The following DIAPH1 variants were observed in gnomAD, a reference collection of about 807,000 sequenced individuals.
The protein encoded by DIAPH1 is diaphanous related formin 1.
A neutral mutation model predicts 140.7 loss-of-function variants in DIAPH1; 46 were observed. The observed-to-expected ratio is 0.33, with a 90% CI of 0.26 to 0.42. The LOEUF is 0.42. Ranked by LOEUF, DIAPH1 falls within the 10% of genes least tolerant of loss-of-function variation. The pLI is 1.00. For synonymous variants in DIAPH1, 565 were observed against 551.6 expected, an observed-to-expected ratio of 1.02 and a Z score of -0.34; for missense variants, 1,310 against 1,558.7, an observed-to-expected ratio of 0.84 and a Z score of 2.69.
intron 1 of DIAPH1, among the ~76,000 whole-genome samples, chr5:141,590,712 C>G (rs1331361933): frequency 6.6e-6 from 1 of 150,758 alleles, no homozygotes; most frequent in African/African-American, 2.4e-5. Context: ...TTAATGGCAG[C>G]TGAATTGTTC....
chr5:141,598,411 T>C (rs1422076214), intron 1 of DIAPH1, among the ~76,000 whole-genome samples: 1 of 152,202 alleles, frequency 6.6e-6, no homozygotes, highest in African/African-American at 2.4e-5. Flanking sequence ...CTCCAAAAGA[T>C]TCTCAGTGCT....
chr5:141,570,013 G>A (rs1395357149), intron 18 of DIAPH1, among the ~76,000 whole-genome samples: 1 of 152,044 alleles, frequency 6.6e-6, no homozygotes, highest in Non-Finnish European at 1.5e-5. Flanking sequence ...TTGTGACTAA[G>A]GGGGCCACTT....
At chr5:141,530,033 G>A (rs1477065811) in intron 19 of DIAPH1, among the ~76,000 whole-genome samples, 1 of 152,122 alleles carries the variant, frequency 6.6e-6, no homozygotes, top group Non-Finnish European at 1.5e-5. Context: ...GCAGTGAGCT[G>A]TGACCGCACC....
Position 141,516,362 on chromosome 5 carries a change from G to C in DIAPH1, c.*489C>G, listed in dbSNP as rs1206612684. 1.1e-5 allele frequency: 2 copies of C among 190,014 alleles called. No individual in the cohort carries two copies. The highest frequency in any genetic ancestry group is 2.2e-5 in the Non-Finnish European group (2 of 89,386). 11.8% of individuals were successfully genotyped at this position (190,014 alleles called of 1,614,324 possible). On this transcript the variant is annotated 3_prime_UTR_variant, in exon 28 of 28. Coordinates refer to ENST00000389054, the MANE Select transcript of DIAPH1 (RefSeq NM_005219.5). ...TAATAAATAACCACAGCCAGGAGAG[G>C]GAAGAGCAGAGACAACAGCAATGAA... is the stretch of plus-strand genomic sequence containing the variant.
chr5:141,593,697 A>G (rs1421696001), intron 1 of DIAPH1, among the ~76,000 whole-genome samples: 1 of 152,246 alleles, frequency 6.6e-6, no homozygotes, highest in Non-Finnish European at 1.5e-5. Flanking sequence ...AAGAAGCTCA[A>G]CATCATATGT....
chr5:141,541,803 A>C (rs2099890021), intron 18 of DIAPH1, among the ~76,000 whole-genome samples: 1 of 152,096 alleles, frequency 6.6e-6, no homozygotes, highest in Non-Finnish European at 1.5e-5. Flanking sequence ...AGAAAGAAAC[A>C]CTTCAGTTAC....
intron 1 of DIAPH1, among the ~76,000 whole-genome samples, chr5:141,611,469 T>A (rs889415342): frequency 6.6e-6 from 1 of 151,806 alleles, no homozygotes; most frequent in African/African-American, 2.4e-5. Flanking sequence ...TGAGGCAGGA[T>A]TCCTGAAGCC....
chr5:141,532,225 G>A (rs2099888337), intron 19 of DIAPH1, among the ~76,000 whole-genome samples: 1 of 151,844 alleles, frequency 6.6e-6, no homozygotes, highest in Non-Finnish European at 1.5e-5. Flanking sequence ...AGGCTGCAGT[G>A]CAGTGGTGCA....
chr5:141,539,039 C>T (rs1478678075), intron 18 of DIAPH1, among the ~76,000 whole-genome samples: 1 of 151,690 alleles, frequency 6.6e-6, no homozygotes, highest in Non-Finnish European at 1.5e-5. Context: ...CTTAAGGAGG[C>T]TGAGGCAGGC....
rs1002153995 is a variant in DIAPH1 at position 141,524,224 on chromosome 5, C to T, written c.3580G>A (p.Asp1194Asn). The change falls in exon 27 of 28, where the codon GAT (aspartate) becomes AAT (asparagine). Residue 1194 changes from aspartate to asparagine, a missense_variant. Around this residue, in one of 3 missense-constraint regions of DIAPH1, gnomAD observed 344 missense variants for 512.2 expected, o/e 0.67. Coordinates refer to ENST00000389054, the MANE Select transcript of DIAPH1 (RefSeq NM_005219.5). The part of the protein sequence containing the change: ...EQLIDMNAEG[D>N]ETGVMDSLLE... ...AGACTGTCCATCACACCTGTCTCAT[C>T]GCCCTCTGTTATAAAGAACAAGATG... The T allele has an allele frequency of 6.2e-7, 1 of 1,614,014 alleles. No individual in the cohort carries two copies. The highest frequency in any genetic ancestry group is 8.5e-7 in the Non-Finnish European group (1 of 1,179,906).
intron 1 of DIAPH1, among the ~76,000 whole-genome samples, chr5:141,607,207 A>C (rs1436509041): frequency 2.0e-5 from 3 of 152,232 alleles, no homozygotes; most frequent in Non-Finnish European, 4.4e-5. Context: ...TCAAAAGCTA[A>C]ATCGTACTGT....
chr5:141,598,383 T>G (rs2099899639), intron 1 of DIAPH1, among the ~76,000 whole-genome samples: 1 of 152,192 alleles, frequency 6.6e-6, no homozygotes, highest in African/African-American at 2.4e-5. Flanking sequence ...ATTGCATGTA[T>G]TAAAATGAGC....
intron 3 of DIAPH1, among the ~76,000 whole-genome samples, chr5:141,585,105 C>T (rs1477965643): frequency 2.6e-5 from 4 of 152,006 alleles, no homozygotes. Flanking sequence ...TACAGGCGCC[C>T]GCCACCACAC....
chr5:141,600,971 G>C (rs1265472473), intron 1 of DIAPH1, among the ~76,000 whole-genome samples: 3 of 152,030 alleles, frequency 2.0e-5, no homozygotes, highest in South Asian at 2.1e-4. Context: ...GCAAACTATT[G>C]CAAGGACAGA....
chr5:141,518,003 G>A (rs546830720), intron 27 of DIAPH1, among the ~76,000 whole-genome samples: 2 of 152,194 alleles, frequency 1.3e-5, no homozygotes, highest in Admixed American at 6.5e-5. Flanking sequence ...GAGCAACTGT[G>A]TATACACAAA....
chr5:141,574,067 T>C lies in DIAPH1; in HGVS notation c.1783A>G (p.Ile595Val), dbSNP rs1000640029. 6.8e-6 allele frequency: 11 copies of C among 1,609,132 alleles called. No individual in the cohort carries two copies. Among genetic ancestry groups the C allele is most frequent in the Non-Finnish European group, 8.5e-6 (10 of 1,177,696 alleles). ...CCAGGAGCAGGTGGTGGTGGAATAATAGTGCCAGAGTCACCAGGTAAAGGA... is the reference window on the plus strand; with the variant it reads ...CCAGGAGCAGGTGGTGGTGGAATAACAGTGCCAGAGTCACCAGGTAAAGGA... The part of the protein sequence containing the change: ...APPLPGDSGT[I>V]IPPPPAPGDS... The change falls in exon 16 of 28, where the codon ATT (isoleucine) becomes GTT (valine). Residue 595 changes from isoleucine (I) to valine (V), a missense_variant. Physicochemically the swap from Ile to Val is conservative, Grantham distance 29 (BLOSUM62 3). This residue lies in a region of DIAPH1 where 589 missense variants were observed against 549.3 expected (regional missense o/e 1.07). Coordinates refer to ENST00000389054, the MANE Select transcript of DIAPH1 (RefSeq NM_005219.5).
Position 141,618,995 on chromosome 5 carries a change from T to A in DIAPH1, c.-81A>T. The A allele has an allele frequency of 1.4e-6, 1 of 739,184 alleles. No homozygotes were observed. Among genetic ancestry groups the A allele is most frequent in the Non-Finnish European group, 2.0e-6 (1 of 510,830 alleles). 45.8% of individuals were successfully genotyped at this position (739,184 alleles called of 1,614,324 possible). On this transcript the variant is annotated 5_prime_UTR_variant, in exon 1 of 28. Transcript: ENST00000389054. ...TCCGCGCCCGCCGCCGCCCAGTCGC[T>A]CTTTAGCCAGCCGCCGCGCCCCGCC...
intron 18 of DIAPH1, among the ~76,000 whole-genome samples, chr5:141,554,230 T>C (rs760992916): frequency 3.2e-4 from 49 of 152,058 alleles, no homozygotes; most frequent in Non-Finnish European, 4.3e-4. Flanking sequence ...TGAGCCGAGA[T>C]TGTGCCACCG....
chr5:141,562,350 A>T (rs2099893688), intron 18 of DIAPH1, among the ~76,000 whole-genome samples: 1 of 152,166 alleles, frequency 6.6e-6, no homozygotes, highest in Admixed American at 6.5e-5. Context: ...TACTGATACG[A>T]AGACTCTCCA....
Sources: gnomAD v4.1 joint callset for allele counts (sites outside exome capture counted in the v4.1 genomes callset) on GRCh38, gnomAD v4.1.1 for gene constraint, gnomAD v4.1.1 regional missense constraint, MANE v1.5 for transcripts, NCBI Gene and HGNC (gene_info 2026-07-23, HGNC 2026-07-21) for gene names.